The following FURIN variants were observed in gnomAD, a reference collection of about 807,000 sequenced individuals.
The protein encoded by FURIN is FES upstream region.
FURIN carries 18 observed loss-of-function variants against 89.2 expected under a neutral mutation model. The ratio of observed to expected loss-of-function variants is 0.20; its 90% CI spans 0.14 to 0.30. FURIN has a LOEUF of 0.30. Ranked by LOEUF, FURIN falls within the 10% of genes least tolerant of loss-of-function variation. The pLI is 1.00. For synonymous variants in FURIN, 508 were observed against 466.4 expected, an observed-to-expected ratio of 1.09 and a Z score of -1.15; for missense variants, 879 against 1,100.5, an observed-to-expected ratio of 0.80 and a Z score of 2.85.
At chr15:90,874,971 G>T (rs1407736417) in intron 1 of FURIN, among the ~76,000 whole-genome samples, 2 of 145,256 alleles carry the variant, frequency 1.4e-5, no homozygotes. Context: ...TTCATTTGTT[G>T]TTTCTGATTT....
chr15:90,875,564 C>T lies in FURIN; in HGVS notation c.-159-18C>T. The T allele has an allele frequency of 1.7e-5, 9 of 536,400 alleles. 1 individual carries two copies. In the South Asian group the frequency reaches 2.1e-4, roughly 12 times the overall value. The allele number at this position is 536,400 out of a possible 1,614,324, so 33.2% of individuals were successfully genotyped here. On this transcript the variant is annotated intron_variant, in intron 1 of 15. Transcript: ENST00000268171. ...GGAACTGACCCTCTCTCCCCTTTTC[C>T]CCTCTTGTTCCTCTCAGGGTCGGCA...
Position 90,877,608 on chromosome 15 carries a change from C to A in FURIN, c.660C>A (p.Arg220=), listed in dbSNP as rs368197869. The A allele has an allele frequency of 5.1e-6, 8 of 1,564,226 alleles. No individual in the cohort carries two copies. Among genetic ancestry groups the A allele is most frequent in the African/African-American group, 1.4e-5 (1 of 73,802 alleles). Residue 220 remains arginine (R), a synonymous_variant, in exon 7 of 16, where the codon CGC becomes CGA. Transcript: ENST00000268171. The part of the protein sequence containing the change: ...VCGVGVAYNA[R]IGGVRMLDGE... ...GTGTAGGTGTGGCCTACAACGCCCG[C>A]ATTGGAGGTGAGTGTGGGCCTGGGC...
rs771668856 is a variant in FURIN, at chr15:90,881,026, G to C, written c.1778G>C (p.Ser593Thr). Residue 593 changes from serine to threonine, a missense_variant, in exon 15 of 16, where the codon AGT (serine) becomes ACT (threonine). By Grantham distance (58) the Ser-to-Thr change is moderately conservative (BLOSUM62 1). This residue lies in a region of FURIN where 457 missense variants were observed against 490.7 expected (regional missense o/e 0.93). Transcript: ENST00000268171. This position sits in a 1 kb window ranked among gnomAD's most constrained non-coding sequence, Gnocchi z 4.3. ...ESSGCKTLTSSQACVVCEEGF... is the reference protein window; with the variant it reads ...ESSGCKTLTSTQACVVCEEGF... ...AGTGGCTGCAAGACCCTCACGTCCAGTCAGGCCTGTGTGGGTCAGTAGTGG... is the reference window on the plus strand; with the variant it reads ...AGTGGCTGCAAGACCCTCACGTCCACTCAGGCCTGTGTGGGTCAGTAGTGG... The C allele has an allele frequency of 6.2e-7, 1 of 1,612,800 alleles. No homozygotes were observed. The highest frequency in any genetic ancestry group is 1.3e-5 in the African/African-American group (1 of 75,024).
Position 90,876,768 on chromosome 15 carries a change from G to A in FURIN, c.373-128G>A, listed in dbSNP as rs2031654774. ...CATTCCCATGGAGTCCAGACAGCCAGTGGCGGCCTTTCAGGAGCAGGGATG... is the reference window on the plus strand; with the variant it reads ...CATTCCCATGGAGTCCAGACAGCCAATGGCGGCCTTTCAGGAGCAGGGATG... On this transcript the variant is annotated intron_variant, in intron 4 of 15. Coordinates refer to ENST00000268171, the MANE Select transcript of FURIN (RefSeq NM_002569.4). The surrounding 1 kb of genome is among the most constrained non-coding windows in gnomAD (Gnocchi z 5.0). 9.4e-7 allele frequency: 1 copy of A among 1,063,398 alleles called. No homozygotes were observed. The highest frequency in any genetic ancestry group is 1.6e-5 in the African/African-American group (1 of 63,714). 65.9% of individuals were successfully genotyped at this position (1,063,398 alleles called of 1,614,324 possible). A position where few individuals can be genotyped will look rare whatever the true frequency, so the allele number is the denominator to read the frequency against.
Position 90,879,678 on chromosome 15 carries a change from C to T in FURIN, c.1162C>T (p.Leu388Phe). The change falls in exon 11 of 16, where the codon CTC becomes TTC. Residue 388 changes from leucine to phenylalanine, a missense_variant. Coordinates refer to ENST00000268171, the MANE Select transcript of FURIN (RefSeq NM_002569.4). The stretch of plus-strand genomic sequence containing the variant: ...TCCCTTCCTTCTTTGCAGTAAGAAC[C>T]TCACATGGCGGGACATGCAACACCT... The part of the protein sequence containing the change: ...IALTLEANKN[L>F]TWRDMQHLVV... 6.2e-7 allele frequency: 1 copy of T among 1,613,200 alleles called. No homozygotes were observed. Among genetic ancestry groups the T allele is most frequent in the South Asian group, 1.1e-5 (1 of 91,072 alleles).
At chr15:90,869,671 C>T (rs1160266189) in intron 1 of FURIN, among the ~76,000 whole-genome samples, 8 of 152,328 alleles carry the variant, frequency 5.3e-5, no homozygotes, top group Non-Finnish European at 4.4e-5. Flanking sequence ...CACTTCCCAC[C>T]GCCTCTGCCT....
chr15:90,873,304 G>A (rs1330067682), intron 1 of FURIN, among the ~76,000 whole-genome samples: 1 of 145,504 alleles, frequency 6.9e-6, no homozygotes, highest in African/African-American at 2.8e-5. Flanking sequence ...TGGGGGGACT[G>A]TTCAGTTGCG....
At position 90,876,510 on chromosome 15, in the gene FURIN, G is replaced by T. The variant is rs116359616; in HGVS notation, c.325G>T (p.Val109Leu). Reference sequence around the variant, plus strand: ...GGCAAAGCGACGGACTAAACGGGACGTGTACCAGGAGCCCACAGACCCCAA... The same window carrying T: ...GGCAAAGCGACGGACTAAACGGGACTTGTACCAGGAGCCCACAGACCCCAA... The part of the protein sequence containing the change: ...QVAKRRTKRD[V>L]YQEPTDPKFP... The change falls in exon 4 of 16, where the codon GTG becomes TTG. Residue 109 changes from valine (V) to leucine (L), a missense_variant. By Grantham distance (32) the Val-to-Leu change is conservative (BLOSUM62 1). Transcript: ENST00000268171. The surrounding 1 kb of genome is among the most constrained non-coding windows in gnomAD (Gnocchi z 5.0). 1.9e-6 allele frequency: 3 copies of T among 1,614,006 alleles called. No individual in the cohort carries two copies. The highest frequency in any genetic ancestry group is 2.5e-6 in the Non-Finnish European group (3 of 1,179,896).
At chr15:90,873,919 C>T (rs961100375) in intron 1 of FURIN, among the ~76,000 whole-genome samples, 1 of 152,204 alleles carries the variant, frequency 6.6e-6, no homozygotes, top group African/African-American at 2.4e-5. Context: ...GTCAGGGAGG[C>T]CGGTTGTGTC....
chr15:90,871,706 C>G (rs2031311800), intron 1 of FURIN: 1 of 149,054 alleles, frequency 6.7e-6, no homozygotes, highest in Non-Finnish European at 1.5e-5. Flanking sequence ...GAGCTCTGCC[C>G]CAGGAGCGGG....
chr15:90,879,534 C>T lies in FURIN; in HGVS notation c.1144C>T (p.Leu382=), dbSNP rs1397906528. ...PLAAGIIALT[L]EANKNLTWRD... is the part of the protein sequence containing the mutation. ...AGCAGCCGGCATCATTGCTCTCACCCTGGAGGCCAAGTAAGTGGGTGGGGG... is the reference window on the plus strand; with the variant it reads ...AGCAGCCGGCATCATTGCTCTCACCTTGGAGGCCAAGTAAGTGGGTGGGGG... The change falls in exon 10 of 16, where the codon CTG becomes TTG. Residue 382 remains leucine, a synonymous_variant. Transcript: ENST00000268171. The T allele has an allele frequency of 1.9e-6, 3 of 1,611,122 alleles. No individual in the cohort carries two copies. The highest frequency in any genetic ancestry group is 2.5e-6 in the Non-Finnish European group (3 of 1,177,504).
chr15:90,880,629 T>C, intron 13 of FURIN, 62 bp from the exon 14 acceptor site: 6 of 1,554,326 alleles, frequency 3.9e-6, no homozygotes, highest in Non-Finnish European at 4.4e-6. Context: ...GTGCTGTGGG[T>C]TAGATGTCCC....
At chr15:90,873,596 C>T (rs1021552675) in intron 1 of FURIN, among the ~76,000 whole-genome samples, 3 of 151,996 alleles carry the variant, frequency 2.0e-5, no homozygotes, top group Non-Finnish European at 4.4e-5. Flanking sequence ...GGCTCTGCTC[C>T]CAGGGTCCCA....
chr15:90,877,382 C>G, intron 6 of FURIN, 145 bp from the exon 7 acceptor site: 1 of 873,494 alleles, frequency 1.1e-6, no homozygotes, highest in Non-Finnish European at 1.8e-6. Context: ...TGGCCACAGG[C>G]CCAGTGGAGT....
intron 9 of FURIN, 131 bp from the exon 10 acceptor site, chr15:90,879,313 T>G: frequency 2.8e-6 from 2 of 706,446 alleles, no homozygotes; most frequent in Non-Finnish European, 4.9e-6. Context: ...AGCTGGGACC[T>G]GGGGTTCTTG....
At chr15:90,877,766 G>C in intron 7 of FURIN, 151 bp downstream of exon 7, 1 of 639,520 alleles carries the variant, frequency 1.6e-6, no homozygotes, top group Non-Finnish European at 2.7e-6. Context: ...AAGGGTCAAA[G>C]ACTGAAAGAG....
chr15:90,874,616 A>G (rs1408682240), intron 1 of FURIN, among the ~76,000 whole-genome samples: 1 of 152,196 alleles, frequency 6.6e-6, no homozygotes, highest in Non-Finnish European at 1.5e-5. Context: ...CTTTGCGAAT[A>G]ACTCCCTATG....
At chr15:90,877,241 T>A (rs1213647838) in intron 6 of FURIN, 30 bp downstream of exon 6, 6 of 1,515,832 alleles carry the variant, frequency 4.0e-6, no homozygotes, top group Non-Finnish European at 5.4e-6. Flanking sequence ...GGTCTCTGCC[T>A]CCCTTCTCCT....
Position 90,875,776 on chromosome 15 carries a change from A to C in FURIN, c.36A>C (p.Ala12=). The part of the protein sequence containing the change: ...ELRPWLLWVV[A]ATGTLVLLAA... The stretch of plus-strand genomic sequence containing the variant: ...GGCCCTGGTTGCTATGGGTGGTAGC[A>C]GCAACAGGAACCTTGGTCCTGCTAG... The change falls in exon 2 of 16, where the codon GCA becomes GCC. Residue 12 remains alanine (A), a synonymous_variant. Transcript: ENST00000268171. 1 of 1,555,920 alleles carries C rather than the reference A, an allele frequency of 6.4e-7. No individual in the cohort carries two copies. The highest frequency in any genetic ancestry group is 8.7e-7 in the Non-Finnish European group (1 of 1,149,022).
Sources: allele counts gnomAD v4.1 joint callset (sites outside exome capture counted in the v4.1 genomes callset), GRCh38; gene constraint gnomAD v4.1.1; regional missense constraint gnomAD v4.1.1; non-coding constraint Gnocchi (gnomAD v3.1); transcripts MANE v1.5; gene names NCBI Gene and HGNC (gene_info 2026-07-23, HGNC 2026-07-21).